Variants in DGKH observed in about 807,000 individuals in gnomAD.
DGKH encodes DAG kinase eta.
Under a neutral mutation model 159.3 loss-of-function variants are expected in DGKH, and 90 were observed. The observed-to-expected ratio is 0.57, with a 90% CI of 0.48 to 0.67. The LOEUF (loss-of-function observed/expected upper bound fraction) is 0.67, where lower values mean the gene tolerates loss of function less well. Ranked by LOEUF, DGKH falls within the 30% of genes least tolerant of loss-of-function variation. DGKH has a pLI of 0.00. For missense variants in DGKH, 1,181 were observed against 1,506.1 expected (o/e 0.78, Z 3.57); for synonymous variants, 536 against 553.8 (o/e 0.97, Z 0.45).
chr13:42,043,975 A>G (rs1880660950), upstream of DGKH: 1 of 151,472 alleles, frequency 6.6e-6, no homozygotes, highest in Non-Finnish European at 1.5e-5. Context: ...GCTGGGACCT[A>G]TAGGTGCTTG....
At position 42,160,013 on chromosome 13, in the gene DGKH, C is replaced by T. The variant is rs1260512603; in HGVS notation, c.732C>T (p.Val244=). Residue 244 remains valine (V), a splice_region_variant and synonymous_variant, in exon 7 of 30, where the codon GTC becomes GTT. Coordinates refer to ENST00000337343, the MANE Select transcript of DGKH (RefSeq NM_178009.5). ...TGCCCTTTCTTCCTTCTCCACAGGT[C>T]GCGATGCCTCACCAGTGGCTTGAGG... ...GKDIIEDEDG[V]AMPHQWLEGN... is the part of the protein sequence containing the mutation. The T allele has an allele frequency of 4.3e-6, 7 of 1,614,058 alleles. No homozygotes were observed. The highest frequency in any genetic ancestry group is 2.2e-5 in the East Asian group (1 of 44,894).
chr13:42,047,702 T>C (rs941578664), upstream of DGKH, among the ~76,000 whole-genome samples: 2 of 152,210 alleles, frequency 1.3e-5, no homozygotes, highest in African/African-American at 2.4e-5. Flanking sequence ...CTACAGCCTG[T>C]TGATCCCACT....
chr13:42,095,471 A>T (rs769258059), intron 1 of DGKH, among the ~76,000 whole-genome samples: 6 of 151,942 alleles, frequency 3.9e-5, no homozygotes, highest in Non-Finnish European at 8.8e-5. Context: ...CCAAATGTTG[A>T]CTACTTTTAA....
chr13:42,121,665 C>A (rs1249403730), intron 1 of DGKH, among the ~76,000 whole-genome samples: 1 of 152,214 alleles, frequency 6.6e-6, no homozygotes. Flanking sequence ...AGGACTCATT[C>A]CTTCTCACCA....
At chr13:42,065,934 G>A (rs976756831) in intron 1 of DGKH, among the ~76,000 whole-genome samples, 11 of 152,102 alleles carry the variant, frequency 7.2e-5, no homozygotes, top group African/African-American at 1.2e-4. Flanking sequence ...GTCTCCTTCT[G>A]TGATCCAGGC....
rs1372580112 is a variant in DGKH, at chr13:42,189,049, A to C, written c.1652A>C (p.Asn551Thr). 1.2e-6 allele frequency: 2 copies of C among 1,614,160 alleles called. No individual in the cohort carries two copies. The highest frequency in any genetic ancestry group is 1.1e-5 in the South Asian group (1 of 91,074). Residue 551 changes from asparagine (N) to threonine (T), a missense_variant, in exon 15 of 30, where the codon AAC (asparagine) becomes ACC (threonine). Asn to Thr is a moderately conservative substitution (Grantham distance 65, BLOSUM62 0). Around this residue, in one of 5 missense-constraint regions of DGKH, gnomAD observed 257 missense variants for 281.5 expected, o/e 0.91. Coordinates refer to ENST00000337343, the MANE Select transcript of DGKH (RefSeq NM_178009.5). ...DAVASKCSVL[N>T]EKLEQLLQAL... Reference sequence around the variant, plus strand: ...TTTTCCTCTCAGTGTTCAGTCCTAAACGAGAAGCTCGAACAACTGCTGCAG... The same window carrying C: ...TTTTCCTCTCAGTGTTCAGTCCTAACCGAGAAGCTCGAACAACTGCTGCAG...
chr13:42,161,190 A>G (rs1486485774), intron 7 of DGKH, among the ~76,000 whole-genome samples: 1 of 152,154 alleles, frequency 6.6e-6, no homozygotes, highest in Non-Finnish European at 1.5e-5. Flanking sequence ...ATTTTAAAGG[A>G]ATTCTACCCA....
At position 42,217,738 on chromosome 13, in the gene DGKH, A is replaced by G. The variant is rs1957836941; in HGVS notation, c.3214-1492A>G. ...TATTGATTAGCTAGAAGAGACCTCA[A>G]AAATAATCTAGTCGGCCAGGCTCAG... On this transcript the variant is annotated intron_variant, in intron 26 of 29. Coordinates refer to ENST00000337343, the MANE Select transcript of DGKH (RefSeq NM_178009.5). Among the ~76,000 whole-genome samples the G allele has an allele frequency of 2.6e-5, 4 of 152,228 alleles. No homozygotes were observed. In the South Asian group the frequency reaches 8.3e-4, roughly 32 times the overall value.
intron 1 of DGKH, chr13:42,069,560 G>A (rs117365746): frequency 1.6e-4 from 259 of 1,592,624 alleles, no homozygotes; most frequent in African/African-American, 1.4e-3. Context: ...GCCAGTTGCC[G>A]TGATGCTTCC....
chr13:42,155,609 C>T, intron 4 of DGKH, 58 bp from the exon 5 acceptor site: 1 of 1,611,456 alleles, frequency 6.2e-7, no homozygotes, highest in Non-Finnish European at 8.5e-7. Flanking sequence ...CCAAACAGTT[C>T]AGCATCTGTA....
intron 5 of DGKH, among the ~76,000 whole-genome samples, chr13:42,156,888 A>G (rs1956061127): frequency 6.6e-6 from 1 of 152,194 alleles, no homozygotes; most frequent in South Asian, 2.1e-4. Flanking sequence ...CCACCATTAC[A>G]AACTATAACC....
chr13:42,078,719 ACT>A (rs2137713175), intron 1 of DGKH, among the ~76,000 whole-genome samples: 2 of 152,074 alleles, frequency 1.3e-5, no homozygotes, highest in Non-Finnish European at 2.9e-5. Flanking sequence ...GCCAGAAATA[ACT>A]CTAATTAACA....
At chr13:42,100,152 C>T (rs1954626268) in intron 1 of DGKH, among the ~76,000 whole-genome samples, 1 of 152,152 alleles carries the variant, frequency 6.6e-6, no homozygotes, top group Non-Finnish European at 1.5e-5. Flanking sequence ...GCTCCGCCTC[C>T]TGTCAGATCT....
chr13:42,187,480 G>A (rs144852112), intron 14 of DGKH, among the ~76,000 whole-genome samples: 1 of 152,062 alleles, frequency 6.6e-6, no homozygotes, highest in Non-Finnish European at 1.5e-5. Context: ...AGGTTCAAGC[G>A]ATTCTCCTGT....
chr13:42,150,214 C>T lies in DGKH; in HGVS notation c.385-5077C>T, dbSNP rs1005601127. Among the ~76,000 whole-genome samples, 9 of 150,910 alleles carry T rather than the reference C, an allele frequency of 6.0e-5. No individual in the cohort carries two copies. In the South Asian group the frequency reaches 1.5e-3, roughly 25 times the overall value. The stretch of plus-strand genomic sequence containing the variant: ...CTGAAACTTTCTTTCCATATCTTAA[C>T]CTTTTTATTTCTGTTGAACAGTTGT... On this transcript the variant is annotated intron_variant, in intron 3 of 29. Coordinates refer to ENST00000337343, the MANE Select transcript of DGKH (RefSeq NM_178009.5).
chr13:42,206,274 G>T, intron 21 of DGKH, 128 bp downstream of exon 21: 1 of 465,690 alleles, frequency 2.1e-6, no homozygotes, highest in East Asian at 3.5e-5. Flanking sequence ...GGGTAAGTGA[G>T]GCATGGAATA....
At chr13:42,255,917 G>A in intron 30 of DGKH, 2 of 1,587,918 alleles carry the variant, frequency 1.3e-6, no homozygotes, top group Non-Finnish European at 1.7e-6. Flanking sequence ...CTTGCCTTTT[G>A]TCACTGCTCC....
intron 26 of DGKH, among the ~76,000 whole-genome samples, chr13:42,218,529 C>CA (rs1490941621): frequency 4.8e-5 from 5 of 104,954 alleles, no homozygotes; most frequent in African/African-American, 1.9e-4. Context: ...TTTTTTGAGT[C>CA]AGAGTTTCTG....
At chr13:42,250,657 T>G (rs933820646) in intron 29 of DGKH, among the ~76,000 whole-genome samples, 1 of 152,220 alleles carries the variant, frequency 6.6e-6, no homozygotes, top group African/African-American at 2.4e-5. Flanking sequence ...CTCTTACAAT[T>G]TGTTCAATAC....
Sources: allele counts gnomAD v4.1 joint callset (sites outside exome capture counted in the v4.1 genomes callset), GRCh38; gene constraint gnomAD v4.1.1; regional missense constraint gnomAD v4.1.1; transcripts MANE v1.5; gene names NCBI Gene and HGNC (gene_info 2026-07-23, HGNC 2026-07-21).